Variants in PTPRR observed in about 807,000 individuals in gnomAD.
PTPRR encodes protein tyrosine phosphatase receptor type R.
In PTPRR, 38 loss-of-function variants were observed where a neutral mutation model predicts 77.2. The observed-to-expected ratio is 0.49, with a 90% CI of 0.38 to 0.65. The LOEUF is 0.65. PTPRR is among the 30% of genes least tolerant of loss of function. PTPRR has a pLI of 0.00. For missense variants in PTPRR, 744 were observed against 799.2 expected, an observed-to-expected ratio of 0.93 and a Z score of 0.83; for synonymous variants, 299 against 283.1, an observed-to-expected ratio of 1.06 and a Z score of -0.57.
intron 2 of PTPRR, among the ~76,000 whole-genome samples, chr12:70,792,308 A>C (rs1452851967): frequency 1.3e-5 from 2 of 152,192 alleles, no homozygotes; most frequent in African/African-American, 4.8e-5. Context: ...TTCAGCGATG[A>C]AATTCAAAAT....
rs540735742 is a variant in PTPRR, at chr12:70,654,566, T to C, written c.1880+2138A>G. Among the ~76,000 whole-genome samples, 6 of 152,320 alleles carry C rather than the reference T, an allele frequency of 3.9e-5. No individual in the cohort carries two copies. In the South Asian group the frequency reaches 1.2e-3, roughly 32 times the overall value. On this transcript the variant is annotated intron_variant, in intron 13 of 13. Coordinates refer to ENST00000283228, the MANE Select transcript of PTPRR (RefSeq NM_002849.4). ...AAAAAGAAAGGTTAGTGTATAATTT[T>C]ATCTTTTTAGAAAACTCTAGGTCAT...
chr12:70,909,598 A>G (rs1336713438), intron 1 of PTPRR, among the ~76,000 whole-genome samples: 1 of 152,202 alleles, frequency 6.6e-6, no homozygotes, highest in African/African-American at 2.4e-5. Context: ...AAAACAAAAC[A>G]TTAGTATAAG....
chr12:70,871,344 C>A (rs1328803564), intron 2 of PTPRR, among the ~76,000 whole-genome samples: 1 of 152,170 alleles, frequency 6.6e-6, no homozygotes, highest in Non-Finnish European at 1.5e-5. Context: ...CCCTTGCTCC[C>A]ACTCCTACAT....
At chr12:70,878,538 A>T (rs1893092828) in intron 2 of PTPRR, among the ~76,000 whole-genome samples, 1 of 152,222 alleles carries the variant, frequency 6.6e-6, no homozygotes, top group African/African-American at 2.4e-5. Flanking sequence ...ATGCAAATCA[A>T]AACCACAATG....
At chr12:70,910,348 T>C (rs1381454850) in intron 1 of PTPRR, among the ~76,000 whole-genome samples, 1 of 152,130 alleles carries the variant, frequency 6.6e-6, no homozygotes, top group African/African-American at 2.4e-5. Flanking sequence ...ACTACATGAG[T>C]TAAGGCATAT....
intron 13 of PTPRR, among the ~76,000 whole-genome samples, chr12:70,656,307 T>C (rs973753622): frequency 6.6e-6 from 1 of 152,050 alleles, no homozygotes; most frequent in Admixed American, 6.6e-5. Flanking sequence ...AAGTGGGAGA[T>C]TCACTTGTGG....
At chr12:70,753,348 A>G (rs577151229) in intron 5 of PTPRR, among the ~76,000 whole-genome samples, 1 of 152,314 alleles carries the variant, frequency 6.6e-6, no homozygotes, top group East Asian at 1.9e-4. Flanking sequence ...GGGGCACTTA[A>G]AAACTAAGGA....
At chr12:70,885,345 T>C (rs1173905204) in intron 2 of PTPRR, among the ~76,000 whole-genome samples, 1 of 152,202 alleles carries the variant, frequency 6.6e-6, no homozygotes, top group Non-Finnish European at 1.5e-5. Flanking sequence ...TTTTAGCAGC[T>C]GTTAAAAGTG....
intron 12 of PTPRR, among the ~76,000 whole-genome samples, chr12:70,658,145 C>T (rs78110493): frequency 0.045 from 6,865 of 152,246 alleles, 336 homozygotes; most frequent in East Asian, 0.14. Flanking sequence ...CTCCCGTGTG[C>T]CATGATTTTC....
chr12:70,655,570 G>T (rs1045425976), intron 13 of PTPRR, among the ~76,000 whole-genome samples: 1 of 152,174 alleles, frequency 6.6e-6, no homozygotes, highest in Non-Finnish European at 1.5e-5. Context: ...TAAAAAGCAA[G>T]GAAATTCTGA....
intron 1 of PTPRR, among the ~76,000 whole-genome samples, chr12:70,899,916 T>TA (rs562116172): frequency 3.3e-5 from 5 of 150,802 alleles, no homozygotes; most frequent in Admixed American, 6.6e-5. Flanking sequence ...AAACTAGAAG[T>TA]AAAAAAAACA....
Position 70,745,922 on chromosome 12 carries a change from A to G in PTPRR, c.903T>C (p.Val301=), listed in dbSNP as rs79366368. 2,067 of 1,614,130 alleles carry G rather than the reference A, an allele frequency of 1.3e-3. 35 individuals are homozygous for G. In the African/African-American group the frequency reaches 0.025, roughly 20 times the overall value. Residue 301 remains valine (V), a synonymous_variant, in exon 6 of 14, where the codon GTT becomes GTC. Coordinates refer to ENST00000283228, the MANE Select transcript of PTPRR (RefSeq NM_002849.4). ...QPEQAPKVLN[V]VVDPQGRGAP... ...CACCTCGGCCTTGAGGGTCCACGACAACATTCAGTACCTTTGGGGCCTGCT... is the reference window on the plus strand; with the variant it reads ...CACCTCGGCCTTGAGGGTCCACGACGACATTCAGTACCTTTGGGGCCTGCT...
chr12:70,688,044 CA>C (rs1887932272), intron 8 of PTPRR, among the ~76,000 whole-genome samples: 2 of 152,158 alleles, frequency 1.3e-5, no homozygotes, highest in East Asian at 1.9e-4. Context: ...AATTGTTGGT[CA>C]GGGGCAGACT....
At chr12:70,724,799 G>GTA (rs1453973302) in intron 6 of PTPRR, among the ~76,000 whole-genome samples, 7 of 151,446 alleles carry the variant, frequency 4.6e-5, no homozygotes, top group African/African-American at 1.7e-4. Context: ...ATGTAAGTCT[G>GTA]GATATATATA....
chr12:70,671,208 G>T (rs1200998763), intron 10 of PTPRR, among the ~76,000 whole-genome samples: 2 of 152,122 alleles, frequency 1.3e-5, no homozygotes, highest in Non-Finnish European at 2.9e-5. Flanking sequence ...TTTTGTGCCA[G>T]ACTTCTCAGT....
intron 2 of PTPRR, among the ~76,000 whole-genome samples, chr12:70,868,443 T>C (rs1437593145): frequency 7.9e-5 from 12 of 151,944 alleles, no homozygotes; most frequent in African/African-American, 2.7e-4. Context: ...AAAATGCTCA[T>C]CATCACTGGC....
chr12:70,860,420 G>A (rs1167690897), intron 2 of PTPRR, among the ~76,000 whole-genome samples: 1 of 152,024 alleles, frequency 6.6e-6, no homozygotes. Context: ...TAGCCCAAAA[G>A]GCCCATGGAC....
At chr12:70,791,582 T>A (rs956762485) in intron 2 of PTPRR, among the ~76,000 whole-genome samples, 4 of 152,174 alleles carry the variant, frequency 2.6e-5, no homozygotes, top group African/African-American at 9.7e-5. Flanking sequence ...TTTGACTGTT[T>A]TGCTTACTGA....
chr12:70,710,985 C>T (rs569040499), intron 6 of PTPRR, among the ~76,000 whole-genome samples: 5 of 152,166 alleles, frequency 3.3e-5, no homozygotes, highest in African/African-American at 9.6e-5. Flanking sequence ...GTGAAAGACA[C>T]GGTGGCAATT....
Sources: allele counts gnomAD v4.1 joint callset (sites outside exome capture counted in the v4.1 genomes callset), GRCh38; gene constraint gnomAD v4.1.1; transcripts MANE v1.5; gene names NCBI Gene and HGNC (gene_info 2026-07-23, HGNC 2026-07-21).